GUCY1A2: variants seen among roughly 807,000 people sequenced by gnomAD.
The protein encoded by GUCY1A2 is guanylate cyclase soluble subunit alpha-2.
In GUCY1A2, 27 loss-of-function variants were observed where a neutral mutation model predicts 63.5. The observed-to-expected ratio is 0.43, with a 90% CI of 0.31 to 0.59. GUCY1A2 has a LOEUF of 0.59. Among genes scored for constraint, GUCY1A2 ranks in the 20% least tolerant of loss-of-function variants. The pLI, the probability that GUCY1A2 is intolerant of heterozygous loss-of-function variation, is 0.11. For missense variants in GUCY1A2, 768 were observed against 913.3 expected (o/e 0.84, Z 2.05); for synonymous variants, 364 against 343.5 (o/e 1.06, Z -0.66).
Position 106,683,005 on chromosome 11 carries a change from A to G in GUCY1A2, c.*4544T>C. The G allele has an allele frequency of 4.6e-6, 1 of 216,776 alleles. No homozygotes were observed. The highest frequency in any genetic ancestry group is 9.3e-6 in the Non-Finnish European group (1 of 107,576). 13.4% of individuals were successfully genotyped at this position (216,776 alleles called of 1,614,324 possible). On this transcript the variant is annotated 3_prime_UTR_variant, in exon 8 of 8. Coordinates refer to ENST00000526355, the MANE Select transcript of GUCY1A2 (RefSeq NM_000855.3). Reference sequence around the variant, plus strand: ...ACGAGGATCTTGAAATTGAGTCCATAGCTGAGGTCAACTTACCCATTTAAC... The same window carrying G: ...ACGAGGATCTTGAAATTGAGTCCATGGCTGAGGTCAACTTACCCATTTAAC...
chr11:106,801,034 G>C (rs1434732282), intron 5 of GUCY1A2, among the ~76,000 whole-genome samples: 1 of 151,984 alleles, frequency 6.6e-6, no homozygotes, highest in Non-Finnish European at 1.5e-5. Context: ...TTTTCTTAAG[G>C]ATCTTCTACT....
intron 4 of GUCY1A2, among the ~76,000 whole-genome samples, chr11:106,895,203 T>G (rs1860029829): frequency 6.6e-6 from 1 of 152,192 alleles, no homozygotes; most frequent in African/African-American, 2.4e-5. Flanking sequence ...AGATAATCTG[T>G]AAAGCTCTAT....
chr11:106,791,265 G>C (rs535174622), intron 5 of GUCY1A2, among the ~76,000 whole-genome samples: 1 of 152,328 alleles, frequency 6.6e-6, no homozygotes, highest in East Asian at 1.9e-4. Context: ...ACAGCACTGA[G>C]TTCAATACAA....
intron 4 of GUCY1A2, among the ~76,000 whole-genome samples, chr11:106,826,204 C>CTATAGATATATT (rs1565302039): frequency 6.6e-6 from 1 of 152,158 alleles, no homozygotes; most frequent in African/African-American, 2.4e-5. Flanking sequence ...AAAGATATAT[C>CTATAGATATATT]TATAAATAAA....
At chr11:106,769,620 A>T (rs1010098462) in intron 6 of GUCY1A2, among the ~76,000 whole-genome samples, 2 of 152,198 alleles carry the variant, frequency 1.3e-5, no homozygotes, top group Non-Finnish European at 2.9e-5. Flanking sequence ...ATCGGAAAAT[A>T]TATCTATCTA....
intron 6 of GUCY1A2, among the ~76,000 whole-genome samples, chr11:106,709,461 TAG>T (rs1863004867): frequency 1.1e-5 from 1 of 93,088 alleles, no homozygotes; most frequent in African/African-American, 4.6e-5. Context: ...TCTATATTTA[TAG>T]AATAATATAT....
Position 106,678,687 on chromosome 11 carries a change from A to C in GUCY1A2, c.*8862T>G, listed in dbSNP as rs1862385076. 1 of 208,122 alleles carries C rather than the reference A, an allele frequency of 4.8e-6. No individual in the cohort carries two copies. The highest frequency in any genetic ancestry group is 1.9e-4 in the South Asian group (1 of 5,328). The allele number at this position is 208,122 out of a possible 1,614,324, so 12.9% of individuals were successfully genotyped here. A position where few individuals can be genotyped will look rare whatever the true frequency, so the allele number is the denominator to read the frequency against. On this transcript the variant is annotated 3_prime_UTR_variant, in exon 8 of 8. Coordinates refer to ENST00000526355, the MANE Select transcript of GUCY1A2 (RefSeq NM_000855.3). ...ATGATTTGAACATAAATTGGTTTTG[A>C]CTTAGATTTTATTCCGAGAAGTTTA...
At chr11:106,721,976 C>G (rs1257866414) in intron 6 of GUCY1A2, among the ~76,000 whole-genome samples, 1 of 152,116 alleles carries the variant, frequency 6.6e-6, no homozygotes, top group African/African-American at 2.4e-5. Context: ...TTTTCAGTGC[C>G]AAATCATTGC....
rs116970770 is a variant in GUCY1A2 at position 106,815,029 on chromosome 11, C to T, written c.1207-4551G>A. Among the ~76,000 whole-genome samples, 508 of 152,060 alleles carry T rather than the reference C, an allele frequency of 3.3e-3. 2 individuals carry two copies. The highest frequency in any genetic ancestry group is 4.4e-3 in the Non-Finnish European group (296 of 67,954). ...AAGAGGGCATAAGAAAATATTTCAA[C>T]GAGCAATTATAAATTCTTTTTAAAT... On this transcript the variant is annotated intron_variant, in intron 4 of 7. Transcript: ENST00000526355.
chr11:106,874,692 G>T (rs1449530773), intron 4 of GUCY1A2, among the ~76,000 whole-genome samples: 2 of 151,916 alleles, frequency 1.3e-5, no homozygotes, highest in African/African-American at 4.8e-5. Flanking sequence ...CACAACTTCT[G>T]CAAGAGTTAG....
rs967244446 is a variant in GUCY1A2, at chr11:106,675,464, A to C, written c.*12085T>G. On this transcript the variant is annotated 3_prime_UTR_variant, in exon 8 of 8. Transcript: ENST00000526355. Reference sequence around the variant, plus strand: ...TTTGCTCCAAATTCTTAAAGGAGACAATGAATTAGTAGCTTGTAAATTTTG... The same window carrying C: ...TTTGCTCCAAATTCTTAAAGGAGACCATGAATTAGTAGCTTGTAAATTTTG... 1 of 201,628 alleles carries C rather than the reference A, an allele frequency of 5.0e-6. No individual in the cohort carries two copies. The highest frequency in any genetic ancestry group is 2.3e-5 in the African/African-American group (1 of 43,518). 12.5% of individuals were successfully genotyped at this position (201,628 alleles called of 1,614,324 possible).
In GUCY1A2 at chr11:106,864,685, G is replaced by T. The variant is rs887828059; in HGVS notation, c.1207-54207C>A. Among the ~76,000 whole-genome samples the T allele has an allele frequency of 2.0e-5, 3 of 152,214 alleles. No individual in the cohort carries two copies. The South Asian group carries it at 6.2e-4, about 32-fold the overall frequency. ...CTATTGAGATAATCATGTGGTTTTT[G>T]TCAATGGTTCTGTTTATGTGATGGA... On this transcript the variant is annotated intron_variant, in intron 4 of 7. Coordinates refer to ENST00000526355, the MANE Select transcript of GUCY1A2 (RefSeq NM_000855.3).
intron 5 of GUCY1A2, among the ~76,000 whole-genome samples, chr11:106,790,050 C>T (rs920025389): frequency 6.6e-6 from 1 of 152,216 alleles, no homozygotes; most frequent in Non-Finnish European, 1.5e-5. Flanking sequence ...CTAAAAGCAG[C>T]AGGTGGCAAA....
At chr11:106,865,673 A>T (rs1859582435) in intron 4 of GUCY1A2, among the ~76,000 whole-genome samples, 1 of 151,998 alleles carries the variant, frequency 6.6e-6, no homozygotes, top group Admixed American at 6.6e-5. Context: ...TAGGGGAGGG[A>T]TACCATTAGG....
chr11:106,887,221 A>C (rs1859912217), intron 4 of GUCY1A2, among the ~76,000 whole-genome samples: 1 of 152,122 alleles, frequency 6.6e-6, no homozygotes, highest in Non-Finnish European at 1.5e-5. Context: ...CGAGTATATT[A>C]GTCATCAGTT....
chr11:106,796,221 T>C (rs2135415468), intron 5 of GUCY1A2, among the ~76,000 whole-genome samples: 1 of 152,330 alleles, frequency 6.6e-6, no homozygotes, highest in East Asian at 1.9e-4. Context: ...GAGATGGGTC[T>C]CCTGAATACA....
chr11:106,805,963 C>G (rs963158089), intron 5 of GUCY1A2, among the ~76,000 whole-genome samples: 2 of 152,124 alleles, frequency 1.3e-5, no homozygotes, highest in East Asian at 1.9e-4. Context: ...TTCCAAAACT[C>G]AGTTTTCTTA....
chr11:106,929,253 A>G (rs193166692), intron 4 of GUCY1A2, among the ~76,000 whole-genome samples: 1 of 152,312 alleles, frequency 6.6e-6, no homozygotes, highest in Admixed American at 6.5e-5. Flanking sequence ...TTTTAAAGGC[A>G]GCTTTTATTA....
rs1001510561 is a variant in GUCY1A2 at position 106,791,685 on chromosome 11, TAAA to T, written c.1693-15106_1693-15104del. ...TTTATTTTCAGAATAAATATAGATT[TAAA>T]AAAGGCCTCCCCTAGTCCCTCTTCC... On this transcript the variant is annotated intron_variant, in intron 5 of 7. Transcript: ENST00000526355. 1.2e-4 allele frequency among the ~76,000 whole-genome samples: 19 copies of T among 152,270 alleles called. 1 individual carries two copies. In the East Asian group the frequency reaches 3.3e-3, roughly 26 times the overall value.
Sources: allele counts gnomAD v4.1 joint callset (sites outside exome capture counted in the v4.1 genomes callset), GRCh38; gene constraint gnomAD v4.1.1; transcripts MANE v1.5; gene names NCBI Gene and HGNC (gene_info 2026-07-23, HGNC 2026-07-21).